NOL4L: variants seen among roughly 807,000 people sequenced by gnomAD.
NOL4L encodes nucleolar protein 4 like.
NOL4L carries 7 observed loss-of-function variants against 64.5 expected under a neutral mutation model. The ratio of observed to expected loss-of-function variants is 0.11; its 90% CI spans 0.06 to 0.20. The LOEUF is 0.20. NOL4L is among the 10% of genes least tolerant of loss of function. NOL4L has a pLI of 1.00. For synonymous variants in NOL4L, 413 were observed against 401.0 expected (o/e 1.03, Z -0.36); for missense variants, 680 against 967.1 (o/e 0.70, Z 3.94).
intron 1 of NOL4L, among the ~76,000 whole-genome samples, chr20:32,579,995 C>T (rs1980365765): frequency 6.6e-6 from 1 of 152,178 alleles, no homozygotes; most frequent in African/African-American, 2.4e-5. Flanking sequence ...CCTGTGAATA[C>T]AGACCTCTTG....
Position 32,488,786 on chromosome 20 carries a change from CCTTCCTTTCTTTCTTTCTTTTT to C in NOL4L, c.700-14066_700-14045del, listed in dbSNP as rs2016241294. ...TCCTTCCTTCCTTCCTTCCTTCCTT[CCTTCCTTTCTTTCTTTCTTTTT>C]CTTTCTTTCTTTCTTTCTTTTTCTT... On this transcript the variant is annotated intron_variant, in intron 4 of 10. Coordinates refer to ENST00000621426, the MANE Select transcript of NOL4L (RefSeq NM_001256798.2). Among the ~76,000 whole-genome samples, 77 of 54,648 alleles carry C rather than the reference CCTTCCTTTCTTTCTTTCTTTTT, an allele frequency of 1.4e-3. 2 individuals are homozygous for C. The highest frequency in any genetic ancestry group is 3.4e-3 in the Admixed American group (16 of 4,730). The allele number at this position is 54,648 out of a possible 152,430, so 35.9% of individuals were successfully genotyped here.
At chr20:32,536,179 T>C (rs1245830578) in intron 1 of NOL4L, 1 of 985,576 alleles carries the variant, frequency 1.0e-6, no homozygotes, top group Non-Finnish European at 1.2e-6. Flanking sequence ...CTCTGTCTGC[T>C]ACTCTGGCGA....
chr20:32,474,455 G>A (rs2015246431), intron 5 of NOL4L, 146 bp downstream of exon 5: 2 of 888,310 alleles, frequency 2.3e-6, no homozygotes, highest in Non-Finnish European at 3.2e-6. Flanking sequence ...GAACACTGGG[G>A]GCAGTGCAAG....
chr20:32,453,388 G>A lies in NOL4L; in HGVS notation c.1413C>T (p.Phe471=). 1 of 1,614,134 alleles carries A rather than the reference G, an allele frequency of 6.2e-7. No individual in the cohort carries two copies. Among genetic ancestry groups the A allele is most frequent in the Non-Finnish European group, 8.5e-7 (1 of 1,180,014 alleles). ...TGCGGGCCCGCTCCTGGAACTCAGG[G>A]AACTGCCGGCTGCAGGACTCGATGA... ...QAIIESCSRQ[F]PEFQERARKR... The change falls in exon 8 of 11, where the codon TTC becomes TTT. Residue 471 remains phenylalanine, a synonymous_variant. Transcript: ENST00000621426. The surrounding 1 kb of genome is among the most constrained non-coding windows in gnomAD (Gnocchi z 5.6).
At chr20:32,541,198 G>A (rs1340786579) in intron 1 of NOL4L, among the ~76,000 whole-genome samples, 1 of 152,182 alleles carries the variant, frequency 6.6e-6, no homozygotes, top group Non-Finnish European at 1.5e-5. Flanking sequence ...AGGGCCAAGA[G>A]TGAAGACCAT....
intron 1 of NOL4L, among the ~76,000 whole-genome samples, chr20:32,560,354 T>C (rs1978932441): frequency 6.6e-6 from 1 of 152,130 alleles, no homozygotes; most frequent in Admixed American, 6.5e-5. Flanking sequence ...ATTTCCCCAG[T>C]GTAGTCAAGA....
Position 32,445,211 on chromosome 20 carries a change from TGGAGGGTGGTCA to T in NOL4L, c.*2373_*2384del, listed in dbSNP as rs2012277730. ...CTCTTGCCGCAGTACTAAGGCAGGC[TGGAGGGTGGTCA>T]GTTCCAACAGCTTGAACTCAGAAAA... On this transcript the variant is annotated 3_prime_UTR_variant, in exon 11 of 11. Transcript: ENST00000621426. The T allele has an allele frequency of 6.6e-6, 1 of 152,242 alleles. No individual in the cohort carries two copies. The highest frequency in any genetic ancestry group is 1.5e-5 in the Non-Finnish European group (1 of 68,042). The allele number at this position is 152,242 out of a possible 1,614,324, so 9.4% of individuals were successfully genotyped here. A position where few individuals can be genotyped will look rare whatever the true frequency, so the allele number is the denominator to read the frequency against.
intron 4 of NOL4L, among the ~76,000 whole-genome samples, chr20:32,492,796 TC>T (rs2016519019): frequency 6.6e-6 from 1 of 152,166 alleles, no homozygotes; most frequent in South Asian, 2.1e-4. Context: ...ATTAAGTGAC[TC>T]ACCCAGTCAC....
Position 32,498,449 on chromosome 20 carries a change from A to G in NOL4L, c.699+12898T>C, listed in dbSNP as rs144582020. On this transcript the variant is annotated intron_variant, in intron 4 of 10. Coordinates refer to ENST00000621426, the MANE Select transcript of NOL4L (RefSeq NM_001256798.2). ...AAAAAAAAAAGCTTTCTGATAAATCATTCCCTCTCAAGTTTAGAAATGCCC... is the reference window on the plus strand; with the variant it reads ...AAAAAAAAAAGCTTTCTGATAAATCGTTCCCTCTCAAGTTTAGAAATGCCC... Among the ~76,000 whole-genome samples the G allele has an allele frequency of 1.0e-3, 154 of 151,616 alleles. 3 individuals are homozygous for G. The East Asian group carries it at 0.028, about 28-fold the overall frequency.
intron 3 of NOL4L, among the ~76,000 whole-genome samples, chr20:32,515,626 G>A (rs1274761862): frequency 6.6e-6 from 1 of 152,182 alleles, no homozygotes; most frequent in African/African-American, 2.4e-5. Flanking sequence ...CAGGATGGGG[G>A]ACAAGGTCAG....
intron 5 of NOL4L, among the ~76,000 whole-genome samples, chr20:32,470,404 A>T (rs574585378): frequency 5.3e-5 from 8 of 152,330 alleles, no homozygotes; most frequent in Admixed American, 4.6e-4. Flanking sequence ...TTCATTCAAC[A>T]AACAGCACCC....
intron 4 of NOL4L, among the ~76,000 whole-genome samples, chr20:32,488,754 C>T (rs2016215454): frequency 6.0e-5 from 3 of 49,952 alleles, no homozygotes; most frequent in African/African-American, 4.4e-4. Flanking sequence ...TCTTTTCCTT[C>T]CTTCCTTCCT....
At chr20:32,511,255 A>C in intron 4 of NOL4L, 92 bp downstream of exon 4, 1 of 773,574 alleles carries the variant, frequency 1.3e-6, no homozygotes, top group Non-Finnish European at 2.2e-6. Context: ...GTGTGTTTAC[A>C]CAAGCTGTGG....
At chr20:32,482,119 A>C (rs2015765717) in intron 4 of NOL4L, among the ~76,000 whole-genome samples, 3 of 152,206 alleles carry the variant, frequency 2.0e-5, no homozygotes, top group Admixed American at 1.3e-4. Flanking sequence ...GAGGTTATTC[A>C]TCTCCCCTCA....
intron 3 of NOL4L, 118 bp from the exon 4 acceptor site, chr20:32,511,574 C>T: frequency 1.6e-6 from 1 of 637,510 alleles, no homozygotes; most frequent in South Asian, 2.0e-5. Context: ...AGGGACAGGT[C>T]AGAGGTCGCA....
intron 5 of NOL4L, among the ~76,000 whole-genome samples, chr20:32,466,874 C>T (rs767590950): frequency 6.6e-6 from 1 of 152,190 alleles, no homozygotes; most frequent in Non-Finnish European, 1.5e-5. Flanking sequence ...CCAGAGCAGA[C>T]GTCTGGCCAT....
intron 6 of NOL4L, among the ~76,000 whole-genome samples, chr20:32,455,575 G>A (rs1357737125): frequency 6.6e-6 from 1 of 152,202 alleles, no homozygotes; most frequent in Non-Finnish European, 1.5e-5. Flanking sequence ...GTGGAAGTGT[G>A]GGGGAGGCCC....
At chr20:32,539,869 C>T (rs2145596040) in intron 1 of NOL4L, among the ~76,000 whole-genome samples, 1 of 152,262 alleles carries the variant, frequency 6.6e-6, no homozygotes, top group Admixed American at 6.5e-5. Context: ...CTCTATCGGG[C>T]ATGGTGTGTT....
At chr20:32,494,758 T>G (rs1272482070) in intron 4 of NOL4L, among the ~76,000 whole-genome samples, 2 of 152,180 alleles carry the variant, frequency 1.3e-5, no homozygotes, top group African/African-American at 4.8e-5. Context: ...GTTGGAGCAA[T>G]AGCAGGCAAC....
Sources: allele counts gnomAD v4.1 joint callset (sites outside exome capture counted in the v4.1 genomes callset), GRCh38; gene constraint gnomAD v4.1.1; non-coding constraint Gnocchi (gnomAD v3.1); transcripts MANE v1.5; gene names NCBI Gene and HGNC (gene_info 2026-07-23, HGNC 2026-07-21).